CACNB2: variants seen among roughly 807,000 people sequenced by gnomAD.
The protein encoded by CACNB2 is calcium voltage-gated channel auxiliary subunit beta 2.
In CACNB2, 42 loss-of-function variants were observed where a neutral mutation model predicts 73.3. That is an observed-to-expected ratio of 0.57 (90% CI 0.45 to 0.74). CACNB2 has a LOEUF of 0.74. Ranked by LOEUF, CACNB2 falls within the 30% of genes least tolerant of loss-of-function variation. The probability of loss-of-function intolerance (pLI) is 0.00; values close to 1 mark genes in which losing one functional copy is unlikely to be tolerated. For missense variants in CACNB2, 940 were observed against 853.0 expected, an observed-to-expected ratio of 1.10 and a Z score of -1.27; for synonymous variants, 348 against 310.3, an observed-to-expected ratio of 1.12 and a Z score of -1.28.
intron 2 of CACNB2, among the ~76,000 whole-genome samples, chr10:18,202,833 C>T (rs1171847149): frequency 6.6e-6 from 1 of 152,232 alleles, no homozygotes; most frequent in Non-Finnish European, 1.5e-5. Flanking sequence ...TCAGGAAGCA[C>T]ATACTTTGTA....
At chr10:18,523,410 T>G (rs575032511) in intron 9 of CACNB2, among the ~76,000 whole-genome samples, 1 of 152,194 alleles carries the variant, frequency 6.6e-6, no homozygotes, top group African/African-American at 2.4e-5. Context: ...TTTGGACCCA[T>G]GTTCGAGTGT....
chr10:18,481,228 A>ATTTTT (rs2048745388), intron 3 of CACNB2, among the ~76,000 whole-genome samples: 1 of 14,238 alleles, frequency 7.0e-5, no homozygotes. Context: ...ATATATATAT[A>ATTTTT]TATTTTTTTT....
chr10:18,199,293 G>A lies in CACNB2; in HGVS notation c.213+48318G>A, dbSNP rs113632528. Reference sequence around the variant, plus strand: ...TTCCATCAGTGAGCTTATATTTCTAGTGGAGAGACATACAATAAACAAATT... The same window carrying A: ...TTCCATCAGTGAGCTTATATTTCTAATGGAGAGACATACAATAAACAAATT... On this transcript the variant is annotated intron_variant, in intron 2 of 13. Transcript: ENST00000324631. 6.3e-3 allele frequency among the ~76,000 whole-genome samples: 962 copies of A among 152,288 alleles called. 13 individuals carry two copies. Among genetic ancestry groups the A allele is most frequent in the African/African-American group, 0.022 (905 of 41,560 alleles).
chr10:18,277,531 G>A (rs564426590), intron 2 of CACNB2, among the ~76,000 whole-genome samples: 35 of 152,174 alleles, frequency 2.3e-4, no homozygotes, highest in Non-Finnish European at 4.4e-4. Flanking sequence ...GTGAGTGAGC[G>A]CTAAATGTTA....
Position 18,504,477 on chromosome 10 carries a change from G to T in CACNB2, c.594-1994G>T, listed in dbSNP as rs747435163. 5.3e-5 allele frequency among the ~76,000 whole-genome samples: 8 copies of T among 152,082 alleles called. No homozygotes were observed. In the South Asian group the frequency reaches 1.7e-3, roughly 32 times the overall value. On this transcript the variant is annotated intron_variant, in intron 5 of 13. Transcript: ENST00000324631. ...GACTCTGAGTTATCCGTATTTGAGG[G>T]AATGTAACATCTCAGAACTTACTCC...
chr10:18,482,815 G>A (rs2048854705), intron 3 of CACNB2, among the ~76,000 whole-genome samples: 1 of 151,730 alleles, frequency 6.6e-6, no homozygotes, highest in Non-Finnish European at 1.5e-5. Context: ...CCAGGCCTGG[G>A]GTATCTTTAT....
At chr10:18,216,117 G>A (rs935066116) in intron 2 of CACNB2, among the ~76,000 whole-genome samples, 12 of 141,420 alleles carry the variant, frequency 8.5e-5, no homozygotes, top group Admixed American at 4.6e-4. Flanking sequence ...CCAACATGGT[G>A]AAACCCCGTC....
At chr10:18,538,115 T>C (rs957593361) in intron 12 of CACNB2, 65 bp from the exon 13 acceptor site, 3 of 1,501,720 alleles carry the variant, frequency 2.0e-6, no homozygotes, top group African/African-American at 2.8e-5. Context: ...CCTCCTCTTA[T>C]GGAGGTGGGA....
intron 3 of CACNB2, among the ~76,000 whole-genome samples, chr10:18,459,915 T>C (rs1564573259): frequency 6.6e-6 from 1 of 152,080 alleles, no homozygotes; most frequent in Non-Finnish European, 1.5e-5. Context: ...AAAGAATTAC[T>C]TGAACCCAGG....
At chr10:18,458,366 G>A (rs903273026) in intron 3 of CACNB2, among the ~76,000 whole-genome samples, 1 of 152,186 alleles carries the variant, frequency 6.6e-6, no homozygotes, top group Non-Finnish European at 1.5e-5. Flanking sequence ...TAATTTGCAT[G>A]TGGTGAATTC....
intron 3 of CACNB2, among the ~76,000 whole-genome samples, chr10:18,444,298 T>G (rs1210833542): frequency 6.6e-6 from 1 of 152,096 alleles, no homozygotes; most frequent in Admixed American, 6.6e-5. Flanking sequence ...TGTCATTCTT[T>G]CCACTGAGGA....
chr10:18,370,563 G>A (rs1446184507), intron 2 of CACNB2, among the ~76,000 whole-genome samples: 1 of 152,222 alleles, frequency 6.6e-6, no homozygotes, highest in Non-Finnish European at 1.5e-5. Flanking sequence ...GCCTTTCAAA[G>A]TGCTGGGATT....
At chr10:18,366,125 GAGC>G (rs2042336103) in intron 2 of CACNB2, among the ~76,000 whole-genome samples, 1 of 152,082 alleles carries the variant, frequency 6.6e-6, no homozygotes, top group South Asian at 2.1e-4. Flanking sequence ...TCAAATGTAG[GAGC>G]CTTTCCACAT....
At chr10:18,539,036 A>G (rs1355731053) in intron 13 of CACNB2, among the ~76,000 whole-genome samples, 194 bp from the exon 14 acceptor site, 2 of 152,008 alleles carry the variant, frequency 1.3e-5, no homozygotes, top group African/African-American at 4.8e-5. Context: ...GCACTTACAA[A>G]AGTCCAATTT....
intron 3 of CACNB2, among the ~76,000 whole-genome samples, chr10:18,478,531 ACTTCCC>A (rs1434375364): frequency 6.6e-6 from 1 of 152,176 alleles, no homozygotes; most frequent in Non-Finnish European, 1.5e-5. Flanking sequence ...GCCAAGGGAA[ACTTCCC>A]CTTCACCCTG....
intron 2 of CACNB2, among the ~76,000 whole-genome samples, chr10:18,291,274 C>G (rs1010459285): frequency 2.6e-5 from 4 of 152,178 alleles, no homozygotes; most frequent in Admixed American, 2.6e-4. Context: ...CCCACATGCT[C>G]CTTGCTCTCA....
chr10:18,377,168 A>G (rs1264302829), intron 2 of CACNB2, among the ~76,000 whole-genome samples: 1 of 152,206 alleles, frequency 6.6e-6, no homozygotes, highest in African/African-American at 2.4e-5. Context: ...GTTCTAAGAT[A>G]CCAGTTTAAG....
At chr10:18,340,644 T>A in intron 2 of CACNB2, 6 of 1,312,364 alleles carry the variant, frequency 4.6e-6, no homozygotes, top group Non-Finnish European at 5.9e-6. Context: ...GCTGACGTAA[T>A]TCAGAGGAGA....
chr10:18,334,270 C>T lies in CACNB2; in HGVS notation c.214-67654C>T, dbSNP rs374214457. On this transcript the variant is annotated intron_variant, in intron 2 of 13. Transcript: ENST00000324631. ...AGCTGGGACTGCAGAAACCTCAGGT[C>T]CTTCCATCTGCAATCTGACACCCAG... 1.6e-4 allele frequency among the ~76,000 whole-genome samples: 24 copies of T among 152,230 alleles called. No homozygotes were observed. The East Asian group carries it at 2.5e-3, about 16-fold the overall frequency.
Sources: allele counts gnomAD v4.1 joint callset (sites outside exome capture counted in the v4.1 genomes callset), GRCh38; gene constraint gnomAD v4.1.1; transcripts MANE v1.5; gene names NCBI Gene and HGNC (gene_info 2026-07-23, HGNC 2026-07-21).